The following CD1B variants were observed in gnomAD, a reference collection of about 807,000 sequenced individuals.
CD1B encodes CD1b molecule, also known as T-cell surface glycoprotein CD1b.
CD1B carries 43 observed loss-of-function variants against 39.8 expected under a neutral mutation model. The observed-to-expected ratio is 1.08, with a 90% CI of 0.85 to 1.39. The LOEUF (loss-of-function observed/expected upper bound fraction) is 1.39, where lower values mean the gene tolerates loss of function less well. CD1B is among the 40% of genes most tolerant of loss of function. The pLI is 0.00. For missense variants in CD1B, 495 were observed against 403.8 expected, an observed-to-expected ratio of 1.23 and a Z score of -1.94; for synonymous variants, 192 against 152.5, an observed-to-expected ratio of 1.26 and a Z score of -1.91.
the CD1B span, chr1:158,291,374 A>G: frequency 6.2e-7 from 1 of 1,614,088 alleles, no homozygotes; most frequent in Non-Finnish European, 8.5e-7. Context: ...GAGATTCAAG[A>G]CCATGCAAGT....
chr1:158,304,759 C>T, the CD1B span, among the ~76,000 whole-genome samples: 3 of 152,194 alleles, frequency 2.0e-5, no homozygotes, highest in Admixed American at 1.3e-4. Context: ...GAATAATCGG[C>T]AGCAACATTT....
the CD1B span, among the ~76,000 whole-genome samples, chr1:158,313,053 A>G: frequency 6.6e-6 from 1 of 152,194 alleles, no homozygotes; most frequent in Non-Finnish European, 1.5e-5. Context: ...AACTTTTATC[A>G]TAGTGGGATG....
the CD1B span, among the ~76,000 whole-genome samples, chr1:158,296,640 G>A: frequency 6.6e-6 from 1 of 152,106 alleles, no homozygotes; most frequent in East Asian, 1.9e-4. Context: ...GAATCTGGAT[G>A]GCAATGAAAA....
the CD1B span, chr1:158,291,062 A>G: frequency 6.7e-7 from 1 of 1,481,626 alleles, no homozygotes; most frequent in East Asian, 2.3e-5. Context: ...TTCACCTTCC[A>G]TTTTCTCTCC....
Position 158,328,176 on chromosome 1 carries a change from G to T in CD1B, c.*60C>A. The T allele has an allele frequency of 1.6e-6, 2 of 1,277,736 alleles. No homozygotes were observed. Among genetic ancestry groups the T allele is most frequent in the Non-Finnish European group, 2.3e-6 (2 of 886,294 alleles). The allele number at this position is 1,277,736 out of a possible 1,614,324, so 79.1% of individuals were successfully genotyped here. On this transcript the variant is annotated 3_prime_UTR_variant, in exon 6 of 6. Coordinates refer to ENST00000368168, the MANE Select transcript of CD1B (RefSeq NM_001764.3). ...TGAAATATGATAAGATTGACTTTTG[G>T]GCTGATATCTTGGGCTTCTTGGTAC...
In CD1B at chr1:158,328,013, G is replaced by A. The variant is rs1652423544; in HGVS notation, c.*223C>T. ...CATTTTTTCTAACATTTTAATGTGTGTAAAATCAGGGTGAATCACACTGTT... is the reference window on the plus strand; with the variant it reads ...CATTTTTTCTAACATTTTAATGTGTATAAAATCAGGGTGAATCACACTGTT... On this transcript the variant is annotated 3_prime_UTR_variant, in exon 6 of 6. Transcript: ENST00000368168. 2.2e-6 allele frequency: 1 copy of A among 445,168 alleles called. No homozygotes were observed. Among genetic ancestry groups the A allele is most frequent in the East Asian group, 3.4e-5 (1 of 29,698 alleles). 27.6% of individuals were successfully genotyped at this position (445,168 alleles called of 1,614,324 possible).
the CD1B span, among the ~76,000 whole-genome samples, chr1:158,319,835 T>A: frequency 2.0e-5 from 3 of 152,284 alleles, no homozygotes; most frequent in South Asian, 6.2e-4. Flanking sequence ...TACAGATGAG[T>A]TTTTGATGTG....
chr1:158,327,413 A>C (rs2101709444), downstream of CD1B, among the ~76,000 whole-genome samples: 1 of 152,324 alleles, frequency 6.6e-6, no homozygotes, highest in East Asian at 1.9e-4. Context: ...AACAGAAATA[A>C]AGAAAACATA....
chr1:158,293,454 G>C, the CD1B span: 5 of 1,613,702 alleles, frequency 3.1e-6, no homozygotes, highest in Admixed American at 1.7e-5. Flanking sequence ...TTCCTTCACA[G>C]CTCATATCAG....
At chr1:158,328,358 A>C in intron 5 of CD1B, 101 bp from the exon 6 acceptor site, 1 of 889,356 alleles carries the variant, frequency 1.1e-6, no homozygotes, top group Non-Finnish European at 1.8e-6. Flanking sequence ...AAAGCAACCC[A>C]AGTGTCCATA....
At chr1:158,327,122 CAGCGCTGGCT>C (rs1198698339), downstream of CD1B, among the ~76,000 whole-genome samples, 2 of 152,122 alleles carry the variant, frequency 1.3e-5, no homozygotes, top group Non-Finnish European at 2.9e-5. Flanking sequence ...ATTAATGGAC[CAGCGCTGGCT>C]GGTCCATTTT....
the CD1B span, among the ~76,000 whole-genome samples, chr1:158,305,919 C>T: frequency 6.6e-6 from 1 of 152,200 alleles, no homozygotes; most frequent in African/African-American, 2.4e-5. Flanking sequence ...CCTACAAGAG[C>T]TCCCGAAGGA....
the CD1B span, among the ~76,000 whole-genome samples, chr1:158,305,781 A>G: frequency 1.3e-5 from 2 of 152,272 alleles, no homozygotes; most frequent in African/African-American, 2.4e-5. Flanking sequence ...AATATTCAAC[A>G]TTCTTAAAGA....
the CD1B span, among the ~76,000 whole-genome samples, chr1:158,315,640 G>C: frequency 4.6e-5 from 7 of 151,424 alleles, no homozygotes; most frequent in Admixed American, 1.3e-4. Context: ...TTCTTTTGCT[G>C]TGCAGAAGCT....
At chr1:158,327,638 A>G (rs1652403846), downstream of CD1B, among the ~76,000 whole-genome samples, 1 of 152,216 alleles carries the variant, frequency 6.6e-6, no homozygotes, top group South Asian at 2.1e-4. Flanking sequence ...TCCTCAAGGA[A>G]CTTACAAAGA....
chr1:158,296,569 A>G, the CD1B span, among the ~76,000 whole-genome samples: 1 of 152,200 alleles, frequency 6.6e-6, no homozygotes, highest in Non-Finnish European at 1.5e-5. Flanking sequence ...TGAACACACT[A>G]GCTCCCCAAC....
At chr1:158,308,393 ATGGCCATAC>A in the CD1B span, among the ~76,000 whole-genome samples, 6 of 152,214 alleles carry the variant, frequency 3.9e-5, no homozygotes, top group Admixed American at 2.6e-4. Flanking sequence ...TATCATGAAA[ATGGCCATAC>A]TGCCCAAGGT....
the CD1B span, among the ~76,000 whole-genome samples, chr1:158,299,739 A>G: frequency 1.4e-3 from 207 of 152,250 alleles, 1 homozygote; most frequent in African/African-American, 4.6e-3. Flanking sequence ...CGAGGAATTT[A>G]TCCATTTCTT....
chr1:158,317,241 C>T, the CD1B span, among the ~76,000 whole-genome samples: 2 of 151,884 alleles, frequency 1.3e-5, no homozygotes, highest in Admixed American at 1.3e-4. Context: ...GGAATGGTAC[C>T]AGTTCCTCCT....
Sources: allele counts gnomAD v4.1 joint callset (sites outside exome capture counted in the v4.1 genomes callset), GRCh38; gene constraint gnomAD v4.1.1; transcripts MANE v1.5; gene names NCBI Gene and HGNC (gene_info 2026-07-23, HGNC 2026-07-21).